Variants in GDAP2 observed in about 807,000 individuals in gnomAD.
GDAP2 encodes ganglioside induced differentiation associated protein 2.
Under a neutral mutation model 67.0 loss-of-function variants are expected in GDAP2, and 51 were observed. The ratio of observed to expected loss-of-function variants is 0.76; its 90% CI spans 0.61 to 0.96. GDAP2 has a LOEUF of 0.96. GDAP2 is among the 40% of genes least tolerant of loss of function. GDAP2 has a pLI of 0.00. For synonymous variants in GDAP2, 203 were observed against 207.3 expected (o/e 0.98, Z 0.18); for missense variants, 547 against 588.3 (o/e 0.93, Z 0.73).
chr1:117,910,982 T>A (rs1356075645), intron 5 of GDAP2, among the ~76,000 whole-genome samples: 1 of 152,250 alleles, frequency 6.6e-6, no homozygotes, highest in East Asian at 1.9e-4. Flanking sequence ...ATGCTCATCG[T>A]AGTTTATGAC....
intron 6 of GDAP2, among the ~76,000 whole-genome samples, chr1:117,900,107 C>T (rs1021620517): frequency 1.3e-5 from 2 of 152,016 alleles, no homozygotes; most frequent in Admixed American, 1.3e-4. Flanking sequence ...AATTCACATA[C>T]CATAAAATTC....
At chr1:117,916,332 G>A (rs983276118) in intron 3 of GDAP2, among the ~76,000 whole-genome samples, 2 of 152,220 alleles carry the variant, frequency 1.3e-5, no homozygotes, top group African/African-American at 4.8e-5. Context: ...AGTGAGAAGA[G>A]ATCAGTTTGG....
chr1:117,923,921 C>T (rs887915097), intron 1 of GDAP2, among the ~76,000 whole-genome samples: 2 of 152,222 alleles, frequency 1.3e-5, no homozygotes, highest in African/African-American at 4.8e-5. Flanking sequence ...CCCCATCCAA[C>T]CTTTCCTTTT....
chr1:117,904,597 C>T (rs1415093145), intron 6 of GDAP2, among the ~76,000 whole-genome samples: 1 of 152,178 alleles, frequency 6.6e-6, no homozygotes, highest in Admixed American at 6.5e-5. Context: ...AGGGCAAAGA[C>T]TTTTATTCTC....
At chr1:117,890,415 A>G (rs761651966) in intron 8 of GDAP2, among the ~76,000 whole-genome samples, 14 of 151,498 alleles carry the variant, frequency 9.2e-5, no homozygotes, top group Non-Finnish European at 1.6e-4. Flanking sequence ...CAATCTCTAT[A>G]TCTATATCTA....
rs1272720744 is a variant in GDAP2, at chr1:117,865,613, A to G, written c.*4956T>C. On this transcript the variant is annotated 3_prime_UTR_variant, in exon 14 of 14. Coordinates refer to ENST00000369443, the MANE Select transcript of GDAP2 (RefSeq NM_017686.4). ...ACACATTACAAAAAAAAAAGGTATG[A>G]CTGTGTATATAAAATGTATTAGCTT... The G allele has an allele frequency of 1.3e-5, 2 of 152,106 alleles. No homozygotes were observed. The highest frequency in any genetic ancestry group is 4.8e-5 in the African/African-American group (2 of 41,424). The allele number at this position is 152,106 out of a possible 1,614,324, so 9.4% of individuals were successfully genotyped here. A position where few individuals can be genotyped will look rare whatever the true frequency, so the allele number is the denominator to read the frequency against.
intron 7 of GDAP2, among the ~76,000 whole-genome samples, chr1:117,897,881 T>TAA (rs1649318418): frequency 6.6e-6 from 1 of 152,170 alleles, no homozygotes; most frequent in South Asian, 2.1e-4. Context: ...TAAAGCTTGG[T>TAA]TATATATATT....
chr1:117,891,910 G>A (rs1649097043), intron 8 of GDAP2, among the ~76,000 whole-genome samples: 1 of 152,064 alleles, frequency 6.6e-6, no homozygotes, highest in African/African-American at 2.4e-5. Flanking sequence ...TGTGAACACA[G>A]AATTAGTATA....
rs565170655 is a variant in GDAP2, at chr1:117,910,795, T to C, written c.559+1199A>G. Among the ~76,000 whole-genome samples the C allele has an allele frequency of 6.6e-5, 10 of 152,348 alleles. No homozygotes were observed. The South Asian group carries it at 2.1e-3, about 32-fold the overall frequency. On this transcript the variant is annotated intron_variant, in intron 5 of 13. Coordinates refer to ENST00000369443, the MANE Select transcript of GDAP2 (RefSeq NM_017686.4). ...AATACTTTGCTGTTACAGTTAGTAC[T>C]ACTTCAAGTGGGACCAACATTTTCT...
At chr1:117,900,426 T>C (rs904037488) in intron 6 of GDAP2, among the ~76,000 whole-genome samples, 3 of 152,174 alleles carry the variant, frequency 2.0e-5, no homozygotes, top group Non-Finnish European at 2.9e-5. Context: ...TGGCAATTAC[T>C]AATCTTTCTG....
intron 6 of GDAP2, among the ~76,000 whole-genome samples, chr1:117,904,902 A>G (rs998551414): frequency 7.9e-5 from 12 of 152,204 alleles, no homozygotes; most frequent in Admixed American, 1.3e-4. Context: ...TGTTCAGAAA[A>G]TAATTTGTCT....
intron 3 of GDAP2, among the ~76,000 whole-genome samples, chr1:117,915,270 G>A (rs1267703219): frequency 6.6e-6 from 1 of 152,154 alleles, no homozygotes; most frequent in African/African-American, 2.4e-5. Context: ...GGCACCTCAA[G>A]TAAATCAGAC....
At chr1:117,897,719 G>A (rs115764271) in intron 7 of GDAP2, among the ~76,000 whole-genome samples, 3 of 152,224 alleles carry the variant, frequency 2.0e-5, no homozygotes, top group Non-Finnish European at 4.4e-5. Flanking sequence ...AACAAACGTC[G>A]TACCATGGGG....
At chr1:117,899,725 T>C (rs1649384142) in intron 6 of GDAP2, among the ~76,000 whole-genome samples, 1 of 152,238 alleles carries the variant, frequency 6.6e-6, no homozygotes, top group Non-Finnish European at 1.5e-5. Context: ...TCTTATCTTG[T>C]AATTCCCATA....
intron 12 of GDAP2, among the ~76,000 whole-genome samples, chr1:117,880,627 T>C (rs1432011981): frequency 1.3e-5 from 2 of 152,186 alleles, no homozygotes; most frequent in African/African-American, 4.8e-5. Context: ...TGAAGAGAGC[T>C]TCTTTAAGGA....
chr1:117,921,253 T>C (rs929665463), intron 1 of GDAP2, among the ~76,000 whole-genome samples: 1 of 152,130 alleles, frequency 6.6e-6, no homozygotes, highest in Non-Finnish European at 1.5e-5. Context: ...AAAAAAATAT[T>C]TGCAAGCATC....
chr1:117,899,022 A>T, intron 7 of GDAP2, 35 bp downstream of exon 7: 1 of 1,571,586 alleles, frequency 6.4e-7, no homozygotes, highest in South Asian at 1.1e-5. Context: ...TGGCCCTAAG[A>T]GGGAGATTTA....
Position 117,864,639 on chromosome 1 carries a change from T to C in GDAP2, c.*5930A>G, listed in dbSNP as rs943868492. On this transcript the variant is annotated 3_prime_UTR_variant, in exon 14 of 14. Coordinates refer to ENST00000369443, the MANE Select transcript of GDAP2 (RefSeq NM_017686.4). ...TGGTTTTATACTTGTGCAAGACATA[T>C]AAACATAAAGCATTTATACCTAGTT... 1.3e-5 allele frequency: 2 copies of C among 152,188 alleles called. No individual in the cohort carries two copies. Among genetic ancestry groups the C allele is most frequent in the African/African-American group, 4.8e-5 (2 of 41,460 alleles). 9.4% of individuals were successfully genotyped at this position (152,188 alleles called of 1,614,324 possible). A position where few individuals can be genotyped will look rare whatever the true frequency, so the allele number is the denominator to read the frequency against.
intron 1 of GDAP2, among the ~76,000 whole-genome samples, chr1:117,921,918 T>A (rs1650266270): frequency 6.6e-6 from 1 of 152,046 alleles, no homozygotes; most frequent in African/African-American, 2.4e-5. Context: ...ATATAGACAG[T>A]AGGGAGAAAG....
Sources: allele counts gnomAD v4.1 joint callset (sites outside exome capture counted in the v4.1 genomes callset), GRCh38; gene constraint gnomAD v4.1.1; transcripts MANE v1.5; gene names NCBI Gene and HGNC (gene_info 2026-07-23, HGNC 2026-07-21).